Variants in TENM3 observed in about 807,000 individuals in gnomAD.
TENM3 encodes teneurin-3.
Under a neutral mutation model 255.1 loss-of-function variants are expected in TENM3, and 63 were observed. That is an observed-to-expected ratio of 0.25 (90% CI 0.20 to 0.30). TENM3 has a LOEUF of 0.30. Ranked by LOEUF, TENM3 falls within the 10% of genes least tolerant of loss-of-function variation. The pLI, the probability that TENM3 is intolerant of heterozygous loss-of-function variation, is 1.00. For missense variants in TENM3, 2,929 were observed against 3,461.1 expected (o/e 0.85, Z 3.86); for synonymous variants, 1,306 against 1,322.3 (o/e 0.99, Z 0.27).
At chr4:181,945,806 G>A in the TENM3 span, among the ~76,000 whole-genome samples, 3 of 152,064 alleles carry the variant, frequency 2.0e-5, no homozygotes, top group East Asian at 5.8e-4. Flanking sequence ...CAAAGGTAAC[G>A]AGGGTAATCA....
intron 3 of TENM3, among the ~76,000 whole-genome samples, chr4:182,396,649 TG>T (rs1768835815): frequency 1.3e-5 from 2 of 152,258 alleles, no homozygotes; most frequent in South Asian, 4.1e-4. Context: ...CAAGCCAGGT[TG>T]GGTTGGATTA....
the TENM3 span, among the ~76,000 whole-genome samples, chr4:181,534,470 C>CA: frequency 1.7e-3 from 178 of 102,962 alleles, no homozygotes; most frequent in African/African-American, 7.5e-3. Context: ...AGGTCTTCCC[C>CA]CCCCCCACAG....
the TENM3 span, among the ~76,000 whole-genome samples, chr4:182,105,867 C>T: frequency 6.6e-6 from 1 of 152,222 alleles, no homozygotes; most frequent in South Asian, 2.1e-4. Context: ...TGAGGAATTA[C>T]TTAATAGGTA....
chr4:181,627,894 T>C, the TENM3 span, among the ~76,000 whole-genome samples: 1 of 152,208 alleles, frequency 6.6e-6, no homozygotes, highest in Admixed American at 6.5e-5. Context: ...TAGTTCTAGA[T>C]CCTTGAGGAA....
intron 1 of TENM3, among the ~76,000 whole-genome samples, chr4:182,154,803 T>C (rs898092013): frequency 2.0e-5 from 3 of 152,228 alleles, no homozygotes; most frequent in African/African-American, 7.2e-5. Flanking sequence ...TAATTTTCTC[T>C]GAACGTGTAT....
the TENM3 span, among the ~76,000 whole-genome samples, chr4:181,777,687 C>T: frequency 2.6e-5 from 4 of 152,118 alleles, no homozygotes; most frequent in Non-Finnish European, 5.9e-5. Context: ...ATTCCTATTG[C>T]TAATGTATTC....
chr4:181,918,626 C>T, the TENM3 span, among the ~76,000 whole-genome samples: 3 of 152,104 alleles, frequency 2.0e-5, no homozygotes, highest in African/African-American at 7.2e-5. Context: ...TTTGGGCAGA[C>T]ATGACTTTAA....
chr4:181,695,577 G>A, the TENM3 span, among the ~76,000 whole-genome samples: 1 of 152,070 alleles, frequency 6.6e-6, no homozygotes, highest in African/African-American at 2.4e-5. Flanking sequence ...CTACTATGTG[G>A]TTGAGTGTGA....
rs1012612778 is a variant in TENM3 at position 182,314,218 on chromosome 4, G to A, written c.-75-9728G>A. Among the ~76,000 whole-genome samples, 9 of 151,960 alleles carry A rather than the reference G, an allele frequency of 5.9e-5. No homozygotes were observed. In the East Asian group the frequency reaches 9.7e-4, roughly 16 times the overall value. On this transcript the variant is annotated intron_variant, in intron 1 of 27. Transcript: ENST00000511685. ...CGGGAGGCTGAGGCAGGAGAATGGC[G>A]TGAACCTGGGAGGCGGAGCTTGCAG...
chr4:181,978,319 C>A, the TENM3 span, among the ~76,000 whole-genome samples: 1 of 152,204 alleles, frequency 6.6e-6, no homozygotes, highest in South Asian at 2.1e-4. Flanking sequence ...AGGGCTCAGC[C>A]ATAAGTGAAG....
chr4:182,057,742 T>C, the TENM3 span, among the ~76,000 whole-genome samples: 1 of 152,054 alleles, frequency 6.6e-6, no homozygotes, highest in East Asian at 1.9e-4. Flanking sequence ...TGTGGTTCTC[T>C]TCCTACCTAC....
At chr4:181,581,896 C>T in the TENM3 span, among the ~76,000 whole-genome samples, 1 of 151,982 alleles carries the variant, frequency 6.6e-6, no homozygotes, top group East Asian at 1.9e-4. Context: ...CCATGCCCAG[C>T]TAATTTTTGT....
chr4:181,870,567 A>G, the TENM3 span, among the ~76,000 whole-genome samples: 5 of 152,128 alleles, frequency 3.3e-5, no homozygotes, highest in Admixed American at 6.6e-5. Context: ...CTTGTTAGCC[A>G]TTCATGAGTC....
intron 22 of TENM3, among the ~76,000 whole-genome samples, chr4:182,768,533 G>C (rs974259234): frequency 2.2e-4 from 33 of 152,046 alleles, no homozygotes; most frequent in African/African-American, 7.7e-4. Context: ...TAAAAGTCTA[G>C]GGAAGCTCTG....
the TENM3 span, among the ~76,000 whole-genome samples, chr4:181,467,123 A>ATTTTTTTT: frequency 4.4e-4 from 8 of 17,982 alleles, no homozygotes; most frequent in African/African-American, 1.5e-3. Context: ...ATATATATAT[A>ATTTTTTTT]TATTTTTTTT....
At chr4:182,329,095 A>C (rs549518634) in intron 2 of TENM3, among the ~76,000 whole-genome samples, 4 of 152,250 alleles carry the variant, frequency 2.6e-5, no homozygotes, top group African/African-American at 9.6e-5. Context: ...GGCTTGAATG[A>C]GGGCTCATCC....
At chr4:181,877,750 G>A in the TENM3 span, among the ~76,000 whole-genome samples, 4 of 152,098 alleles carry the variant, frequency 2.6e-5, no homozygotes, top group African/African-American at 9.7e-5. Context: ...AACAAAGAAG[G>A]GTGCCAGCCC....
chr4:182,253,967 T>C, intron 1 of TENM3, among the ~76,000 whole-genome samples: 1 of 152,364 alleles, frequency 6.6e-6, no homozygotes, highest in Middle Eastern at 3.4e-3. Context: ...ATACATTTTG[T>C]ATATTTTATG....
the TENM3 span, among the ~76,000 whole-genome samples, chr4:181,839,767 G>T: frequency 6.6e-6 from 1 of 151,478 alleles, no homozygotes; most frequent in Non-Finnish European, 1.5e-5. Context: ...CCTAACTCTT[G>T]CTTGTATGAA....
Sources: gnomAD v4.1 joint callset for allele counts (sites outside exome capture counted in the v4.1 genomes callset) on GRCh38, gnomAD v4.1.1 for gene constraint, MANE v1.5 for transcripts, NCBI Gene and HGNC (gene_info 2026-07-23, HGNC 2026-07-21) for gene names.